Variants in PGM2 observed in about 807,000 individuals in gnomAD.
PGM2 encodes phosphoglucomutase 2, also known as phosphopentomutase.
A neutral mutation model predicts 74.6 loss-of-function variants in PGM2; 57 were observed. The ratio of observed to expected loss-of-function variants is 0.76; its 90% CI spans 0.62 to 0.95. The LOEUF (loss-of-function observed/expected upper bound fraction) is 0.95, where lower values mean the gene tolerates loss of function less well. Among genes scored for constraint, PGM2 ranks in the 40% least tolerant of loss-of-function variants. PGM2 has a pLI of 0.00. For synonymous variants in PGM2, 273 were observed against 260.7 expected, an observed-to-expected ratio of 1.05 and a Z score of -0.46; for missense variants, 706 against 741.9, an observed-to-expected ratio of 0.95 and a Z score of 0.56.
chr4:37,841,076 A>ATATG (rs1725705948), intron 6 of PGM2, among the ~76,000 whole-genome samples: 1 of 26,898 alleles, frequency 3.7e-5, no homozygotes, highest in East Asian at 1.1e-3. Flanking sequence ...GCAAGCGTAT[A>ATATG]TATATATATA....
chr4:37,854,672 A>T (rs1186171139), intron 12 of PGM2, among the ~76,000 whole-genome samples: 12 of 137,452 alleles, frequency 8.7e-5, no homozygotes, highest in African/African-American at 1.7e-4. Context: ...AGCTTTATTT[A>T]AAAAAAAAAA....
At position 37,844,529 on chromosome 4, in the gene PGM2, T is replaced by C; in HGVS notation, c.885T>C (p.Asn295=). The part of the protein sequence containing the change: ...DPEFPTVKYP[N]PEEGKGVLTL... Reference sequence around the variant, plus strand: ...AGTTTCCAACAGTGAAATACCCGAATCCCGAAGAGGGGAAAGGTGTCTTGG... The same window carrying C: ...AGTTTCCAACAGTGAAATACCCGAACCCCGAAGAGGGGAAAGGTGTCTTGG... The change falls in exon 7 of 14, where the codon AAT becomes AAC. Residue 295 remains asparagine (N), a synonymous_variant. Transcript: ENST00000381967. 1 of 1,612,480 alleles carries C rather than the reference T, an allele frequency of 6.2e-7. No individual in the cohort carries two copies. The highest frequency in any genetic ancestry group is 8.5e-7 in the Non-Finnish European group (1 of 1,179,080).
chr4:37,852,057 C>T (rs1343678751), intron 12 of PGM2, among the ~76,000 whole-genome samples: 1 of 149,608 alleles, frequency 6.7e-6, no homozygotes, highest in African/African-American at 2.5e-5. Flanking sequence ...GTAGCTTTGA[C>T]CTCCCAGGTT....
At chr4:37,841,447 G>A (rs1016434442) in intron 6 of PGM2, among the ~76,000 whole-genome samples, 4 of 151,968 alleles carry the variant, frequency 2.6e-5, no homozygotes, top group Admixed American at 2.6e-4. Context: ...TGAACTTGTA[G>A]GTTTGTCTTT....
chr4:37,861,803 T>A lies in PGM2; in HGVS notation c.*191T>A. On this transcript the variant is annotated 3_prime_UTR_variant, in exon 14 of 14. Coordinates refer to ENST00000381967, the MANE Select transcript of PGM2 (RefSeq NM_018290.4). ...AAGAAAATGGCCAAACCCAACAAAC[T>A]AACATTCCTACTAAAAAGTTGAGCT... The A allele has an allele frequency of 2.3e-6, 1 of 434,364 alleles. No individual in the cohort carries two copies. Among genetic ancestry groups the A allele is most frequent in the East Asian group, 3.3e-5 (1 of 30,746 alleles). The allele number at this position is 434,364 out of a possible 1,614,324, so 26.9% of individuals were successfully genotyped here.
intron 4 of PGM2, among the ~76,000 whole-genome samples, chr4:37,838,848 C>T (rs1369204428): frequency 1.3e-5 from 2 of 152,154 alleles, no homozygotes; most frequent in Non-Finnish European, 2.9e-5. Flanking sequence ...TTCTTTGGCC[C>T]AGAACACCTG....
At chr4:37,848,085 C>G (rs1217866207) in intron 10 of PGM2, among the ~76,000 whole-genome samples, 2 of 152,100 alleles carry the variant, frequency 1.3e-5, no homozygotes, top group East Asian at 3.8e-4. Flanking sequence ...CTCAGTGACT[C>G]TAAAAGAAAT....
At chr4:37,832,718 T>G (rs1725469890) in intron 2 of PGM2, among the ~76,000 whole-genome samples, 1 of 152,252 alleles carries the variant, frequency 6.6e-6, no homozygotes, top group African/African-American at 2.4e-5. Context: ...GAGGCCATTC[T>G]ATCTTTGGAC....
intron 4 of PGM2, among the ~76,000 whole-genome samples, chr4:37,838,375 C>T: frequency 6.6e-6 from 1 of 152,188 alleles, no homozygotes; most frequent in Admixed American, 6.5e-5. Context: ...GCATGCTCGG[C>T]ATATTTGAGT....
At position 37,855,611 on chromosome 4, in the gene PGM2, C is replaced by T; in HGVS notation, c.1606C>T (p.Leu536Phe). ...DDSQPDKKAVLPTSKSSQMIT... is the reference protein window; with the variant it reads ...DDSQPDKKAVFPTSKSSQMIT... ...TAATGTGTGCATTAATTCCTAGGTTCTTCCCACTAGTAAAAGCAGCCAAAT... is the reference window on the plus strand; with the variant it reads ...TAATGTGTGCATTAATTCCTAGGTTTTTCCCACTAGTAAAAGCAGCCAAAT... Residue 536 changes from leucine (L) to phenylalanine (F), a missense_variant, in exon 13 of 14, where the codon CTT (leucine) becomes TTT (phenylalanine). Leu to Phe is a conservative substitution (Grantham distance 22). Transcript: ENST00000381967. The T allele has an allele frequency of 6.2e-7, 1 of 1,613,350 alleles. No homozygotes were observed. The highest frequency in any genetic ancestry group is 8.5e-7 in the Non-Finnish European group (1 of 1,179,644).
In PGM2 at chr4:37,848,533, T is replaced by C. The variant is rs766216818; in HGVS notation, c.1294T>C (p.Cys432Arg). The C allele has an allele frequency of 6.2e-7, 1 of 1,613,548 alleles. No individual in the cohort carries two copies. The highest frequency in any genetic ancestry group is 8.5e-7 in the Non-Finnish European group (1 of 1,179,598). ...AFEEAIGYMC[C>R]PFVLDKDGVS... ...GTGTGTTTCTGCAGGATACATGTGCTGCCCTTTTGTTCTGGACAAAGATGG... is the reference window on the plus strand; with the variant it reads ...GTGTGTTTCTGCAGGATACATGTGCCGCCCTTTTGTTCTGGACAAAGATGG... Residue 432 changes from cysteine (C) to arginine (R), a missense_variant, in exon 11 of 14, where the codon TGC becomes CGC. This residue lies in a region of PGM2 where 359 missense variants were observed against 371.1 expected (regional missense o/e 0.97). Coordinates refer to ENST00000381967, the MANE Select transcript of PGM2 (RefSeq NM_018290.4).
chr4:37,840,336 T>G, intron 6 of PGM2, 77 bp downstream of exon 6: 1 of 849,614 alleles, frequency 1.2e-6, no homozygotes, highest in South Asian at 1.5e-5. Flanking sequence ...TTGTGAAGTT[T>G]TTCTCTTTAA....
chr4:37,845,417 C>G (rs1199006985), intron 7 of PGM2, among the ~76,000 whole-genome samples: 1 of 152,212 alleles, frequency 6.6e-6, no homozygotes, highest in Non-Finnish European at 1.5e-5. Context: ...CTCCCATTAT[C>G]TGACCTCTGA....
intron 12 of PGM2, among the ~76,000 whole-genome samples, chr4:37,852,441 A>G (rs1347774708): frequency 1.6e-5 from 1 of 60,800 alleles, no homozygotes; most frequent in Non-Finnish European, 4.4e-5. Context: ...CTTCTCCAGG[A>G]TTGAGTCCCT....
chr4:37,826,962 T>C, intron 1 of PGM2, 149 bp downstream of exon 1: 1 of 576,512 alleles, frequency 1.7e-6, no homozygotes. Context: ...GTACGGCCGC[T>C]GCTAGGCTTC....
intron 3 of PGM2, among the ~76,000 whole-genome samples, chr4:37,835,407 A>G (rs1399724829): frequency 6.6e-6 from 1 of 152,160 alleles, no homozygotes; most frequent in Non-Finnish European, 1.5e-5. Context: ...CACCTCTCCC[A>G]TGAAGCAGAG....
At chr4:37,854,564 T>C (rs1005590398) in intron 12 of PGM2, among the ~76,000 whole-genome samples, 1 of 152,140 alleles carries the variant, frequency 6.6e-6, no homozygotes, top group African/African-American at 2.4e-5. Context: ...TTGGCCAGGC[T>C]TGTCTCCAAC....
chr4:37,844,395 G>A lies in PGM2; in HGVS notation c.751G>A (p.Val251Met). ...GAACAGGGAGACAAAGGTGAAGTTT[G>A]TGCACACCTCTGTCCATGGGGTGGG... ...SVNRETKVKF[V>M]HTSVHGVGHS... The change falls in exon 7 of 14, where the codon GTG (valine) becomes ATG (methionine). Residue 251 changes from valine to methionine, a missense_variant. Physicochemically the swap from Val to Met is conservative, Grantham distance 21. Around this residue, in one of 3 missense-constraint regions of PGM2, gnomAD observed 332 missense variants for 334.9 expected, o/e 0.99. Transcript: ENST00000381967. The A allele has an allele frequency of 6.2e-7, 1 of 1,612,084 alleles. No homozygotes were observed. The highest frequency in any genetic ancestry group is 8.5e-7 in the Non-Finnish European group (1 of 1,179,118).
chr4:37,826,818 G>A lies in PGM2; in HGVS notation c.81+5G>A. On this transcript the variant is annotated splice_donor_5th_base_variant and intron_variant, in intron 1 of 13. Coordinates refer to ENST00000381967, the MANE Select transcript of PGM2 (RefSeq NM_018290.4). ...CAGTGGCTGCGCTGGGACAAGGTGA[G>A]GGGCACCAGCAGGCGGGGAGCGCCT... is the stretch of plus-strand genomic sequence containing the variant. 6.5e-7 allele frequency: 1 copy of A among 1,538,746 alleles called. No individual in the cohort carries two copies. The highest frequency in any genetic ancestry group is 8.8e-7 in the Non-Finnish European group (1 of 1,137,318).
Sources: allele counts gnomAD v4.1 joint callset (sites outside exome capture counted in the v4.1 genomes callset), GRCh38; gene constraint gnomAD v4.1.1; regional missense constraint gnomAD v4.1.1; transcripts MANE v1.5; gene names NCBI Gene and HGNC (gene_info 2026-07-23, HGNC 2026-07-21).